Variants in SV2C observed in about 807,000 individuals in gnomAD.
The protein encoded by SV2C is solute carrier family 22 member B3.
Under a neutral mutation model 79.7 loss-of-function variants are expected in SV2C, and 49 were observed. The ratio of observed to expected loss-of-function variants is 0.61; its 90% CI spans 0.49 to 0.78. SV2C has a LOEUF of 0.78. SV2C is among the 30% of genes least tolerant of loss of function. The pLI is 0.00. For synonymous variants in SV2C, 334 were observed against 333.2 expected (o/e 1.00, Z -0.03); for missense variants, 833 against 912.9 (o/e 0.91, Z 1.13).
intron 1 of SV2C, among the ~76,000 whole-genome samples, chr5:76,088,766 T>G (rs1347436217): frequency 6.6e-6 from 1 of 152,072 alleles, no homozygotes. Flanking sequence ...ATTCTGTTTA[T>G]GAAGCTCACT....
intron 4 of SV2C, among the ~76,000 whole-genome samples, chr5:76,212,521 C>T (rs1744796518): frequency 1.3e-5 from 2 of 149,656 alleles, no homozygotes; most frequent in South Asian, 4.2e-4. Flanking sequence ...GCCTTGTTCT[C>T]TTTTCAGCCT....
the SV2C span, among the ~76,000 whole-genome samples, chr5:75,986,758 G>A: frequency 4.6e-5 from 7 of 152,016 alleles, no homozygotes; most frequent in Non-Finnish European, 7.4e-5. Context: ...ACATGTCTCC[G>A]TGAGTCTCTT....
chr5:76,045,671 T>C, the SV2C span, among the ~76,000 whole-genome samples: 2 of 152,226 alleles, frequency 1.3e-5, no homozygotes, highest in African/African-American at 4.8e-5. Flanking sequence ...TTTTCTTTCA[T>C]GCTGCTAATG....
chr5:76,175,994 G>A (rs992734363), intron 2 of SV2C, among the ~76,000 whole-genome samples: 3 of 152,128 alleles, frequency 2.0e-5, no homozygotes, highest in Non-Finnish European at 4.4e-5. Flanking sequence ...ACAAAGCCCT[G>A]GGATCCCTAC....
chr5:75,898,179 C>T, the SV2C span, among the ~76,000 whole-genome samples: 1 of 152,108 alleles, frequency 6.6e-6, no homozygotes, highest in Non-Finnish European at 1.5e-5. Flanking sequence ...AGTTTTTGCC[C>T]ATTCAGTAAG....
At chr5:76,198,742 G>A (rs987872132) in intron 3 of SV2C, among the ~76,000 whole-genome samples, 1 of 152,142 alleles carries the variant, frequency 6.6e-6, no homozygotes, top group Non-Finnish European at 1.5e-5. Flanking sequence ...ACAGTCTAGA[G>A]TTTATCTGGG....
chr5:76,066,766 T>C, the SV2C span, among the ~76,000 whole-genome samples: 1 of 143,942 alleles, frequency 6.9e-6, no homozygotes, highest in Non-Finnish European at 1.5e-5. Context: ...GTTGAAGACA[T>C]GGTCCTCTGT....
chr5:76,005,418 T>C, the SV2C span, among the ~76,000 whole-genome samples: 10 of 152,200 alleles, frequency 6.6e-5, no homozygotes, highest in Middle Eastern at 3.2e-3. Flanking sequence ...AGTTGAGGAA[T>C]AATTGTCTGT....
chr5:76,114,067 C>G (rs1259370316), intron 1 of SV2C, among the ~76,000 whole-genome samples: 1 of 152,202 alleles, frequency 6.6e-6, no homozygotes, highest in African/African-American at 2.4e-5. Context: ...AATGAATGCT[C>G]CAGTTCTCAT....
chr5:76,146,797 T>TTA (rs755941303), intron 2 of SV2C, among the ~76,000 whole-genome samples: 28 of 39,330 alleles, frequency 7.1e-4, no homozygotes, highest in East Asian at 2.1e-3. Context: ...AGTTTTTTTT[T>TTA]AAAAAAAAAA....
At chr5:76,320,060 C>T (rs1748776925) in intron 12 of SV2C, among the ~76,000 whole-genome samples, 1 of 151,914 alleles carries the variant, frequency 6.6e-6, no homozygotes, top group African/African-American at 2.4e-5. Context: ...ACCTGTAATC[C>T]CAGCACTTTG....
At chr5:76,147,237 CAAAAAG>C (rs1212952281) in intron 2 of SV2C, among the ~76,000 whole-genome samples, 13 of 152,192 alleles carry the variant, frequency 8.5e-5, no homozygotes, top group Non-Finnish European at 1.9e-4. Context: ...TAACACAATA[CAAAAAG>C]AAAAAGTCAG....
Position 76,317,179 on chromosome 5 carries a change from G to A in SV2C, c.2001-8185G>A, listed in dbSNP as rs538944488. On this transcript the variant is annotated intron_variant, in intron 12 of 12. Transcript: ENST00000502798. ...ATTCAGTGTTACAAAAGTTCTTTTAGGCTAACCTGATGACCTAGCCATCAT... is the reference window on the plus strand; with the variant it reads ...ATTCAGTGTTACAAAAGTTCTTTTAAGCTAACCTGATGACCTAGCCATCAT... Among the ~76,000 whole-genome samples the A allele has an allele frequency of 2.0e-5, 3 of 152,200 alleles. No homozygotes were observed. The South Asian group carries it at 6.2e-4, about 32-fold the overall frequency.
intron 12 of SV2C, among the ~76,000 whole-genome samples, chr5:76,302,442 T>C (rs1295513840): frequency 1.3e-5 from 2 of 151,832 alleles, no homozygotes; most frequent in Non-Finnish European, 1.5e-5. Flanking sequence ...CTGGCCAACA[T>C]GGTGAAACCC....
chr5:76,165,921 A>G lies in SV2C; in HGVS notation c.581-28998A>G, dbSNP rs117440103. On this transcript the variant is annotated intron_variant, in intron 2 of 12. Coordinates refer to ENST00000502798, the MANE Select transcript of SV2C (RefSeq NM_014979.4). Reference sequence around the variant, plus strand: ...GTGAGAGAGGTGAGGCCATGCTCCAACCCAGACCAGGAGAGTGAGAACTGC... The same window carrying G: ...GTGAGAGAGGTGAGGCCATGCTCCAGCCCAGACCAGGAGAGTGAGAACTGC... Among the ~76,000 whole-genome samples the G allele has an allele frequency of 2.2e-3, 340 of 152,232 alleles. 14 individuals are homozygous for G. In the East Asian group the frequency reaches 0.057, roughly 26 times the overall value.
chr5:76,246,465 C>T (rs1745950426), intron 4 of SV2C, among the ~76,000 whole-genome samples: 1 of 152,138 alleles, frequency 6.6e-6, no homozygotes, highest in African/African-American at 2.4e-5. Flanking sequence ...TGCTGAAGAC[C>T]TAACTCTGAC....
chr5:76,226,307 C>T (rs1244331576), intron 4 of SV2C, among the ~76,000 whole-genome samples: 1 of 152,018 alleles, frequency 6.6e-6, no homozygotes, highest in Non-Finnish European at 1.5e-5. Context: ...AAGCAGGTGG[C>T]ATGAATAAAT....
the SV2C span, among the ~76,000 whole-genome samples, chr5:75,857,264 A>T: frequency 2.0e-5 from 3 of 151,946 alleles, no homozygotes; most frequent in East Asian, 5.8e-4. Flanking sequence ...GCCGTCTTTA[A>T]TCCATTTTGA....
the SV2C span, among the ~76,000 whole-genome samples, chr5:75,879,879 T>C: frequency 6.6e-6 from 1 of 152,210 alleles, no homozygotes; most frequent in Non-Finnish European, 1.5e-5. Context: ...GGCTTTTTGA[T>C]ACACCCTCTG....
Sources: allele counts gnomAD v4.1 joint callset (sites outside exome capture counted in the v4.1 genomes callset), GRCh38; gene constraint gnomAD v4.1.1; transcripts MANE v1.5; gene names NCBI Gene and HGNC (gene_info 2026-07-23, HGNC 2026-07-21).